CCDC85A: variants seen among roughly 807,000 people sequenced by gnomAD.
CCDC85A encodes the protein coiled-coil domain containing 85A, also known as coiled-coil domain-containing protein 85A.
Under a neutral mutation model 50.2 loss-of-function variants are expected in CCDC85A, and 38 were observed. The observed-to-expected ratio is 0.76, with a 90% CI of 0.58 to 0.99. CCDC85A has a LOEUF of 0.99. CCDC85A is among the 50% of genes least tolerant of loss of function. CCDC85A has a pLI of 0.00. For missense variants in CCDC85A, 820 were observed against 742.0 expected (o/e 1.11, Z -1.22); for synonymous variants, 366 against 301.4 (o/e 1.21, Z -2.22).
At chr2:56,230,853 A>G (rs1345746773) in intron 2 of CCDC85A, among the ~76,000 whole-genome samples, 2 of 152,170 alleles carry the variant, frequency 1.3e-5, no homozygotes, top group Admixed American at 6.5e-5. Flanking sequence ...AGGGTCTAGT[A>G]GGTGAATGCT....
intron 2 of CCDC85A, among the ~76,000 whole-genome samples, chr2:56,209,261 A>G (rs532581890): frequency 6.6e-6 from 1 of 152,176 alleles, no homozygotes; most frequent in Non-Finnish European, 1.5e-5. Flanking sequence ...GAAAGTAAAC[A>G]CTCTTCCCGA....
At chr2:56,217,370 G>A (rs1368377187) in intron 2 of CCDC85A, among the ~76,000 whole-genome samples, 1 of 151,842 alleles carries the variant, frequency 6.6e-6, no homozygotes, top group Non-Finnish European at 1.5e-5. Context: ...ACCTTGCATT[G>A]TTTAGGTGTG....
intron 2 of CCDC85A, among the ~76,000 whole-genome samples, chr2:56,313,698 G>C (rs868058748): frequency 6.6e-6 from 1 of 152,134 alleles, no homozygotes; most frequent in Non-Finnish European, 1.5e-5. Flanking sequence ...AGCCCCATCT[G>C]GTTGCCATGG....
chr2:56,197,661 C>T (rs1020374821), intron 2 of CCDC85A, among the ~76,000 whole-genome samples: 12 of 152,180 alleles, frequency 7.9e-5, no homozygotes, highest in Admixed American at 5.2e-4. Flanking sequence ...TTCAAACACT[C>T]AGGCTTCCTG....
At chr2:56,260,615 C>T (rs1184103323) in intron 2 of CCDC85A, among the ~76,000 whole-genome samples, 1 of 152,198 alleles carries the variant, frequency 6.6e-6, no homozygotes, top group East Asian at 1.9e-4. Context: ...TTAGTAGTCA[C>T]ATTACATTCA....
At chr2:56,337,327 A>T (rs1473197554) in intron 2 of CCDC85A, among the ~76,000 whole-genome samples, 4 of 152,198 alleles carry the variant, frequency 2.6e-5, no homozygotes, top group Non-Finnish European at 4.4e-5. Flanking sequence ...GCTTCACCTT[A>T]CTTTTCTAAT....
chr2:56,317,627 A>G (rs1455220971), intron 2 of CCDC85A, among the ~76,000 whole-genome samples: 1 of 152,136 alleles, frequency 6.6e-6, no homozygotes, highest in Admixed American at 6.6e-5. Context: ...GAAGGACTGA[A>G]AAAGGGTGCT....
At chr2:56,380,026 T>C (rs1015592759) in intron 5 of CCDC85A, among the ~76,000 whole-genome samples, 2 of 152,196 alleles carry the variant, frequency 1.3e-5, no homozygotes, top group African/African-American at 4.8e-5. Flanking sequence ...ATTAATACAA[T>C]CATGTTACAG....
At chr2:56,356,843 G>A (rs1675255633) in intron 3 of CCDC85A, among the ~76,000 whole-genome samples, 1 of 151,608 alleles carries the variant, frequency 6.6e-6, no homozygotes, top group African/African-American at 2.4e-5. Context: ...GCCGAGGCTT[G>A]TGGATCACGA....
intron 2 of CCDC85A, among the ~76,000 whole-genome samples, chr2:56,329,537 A>C (rs1437920884): frequency 1.3e-5 from 2 of 152,230 alleles, no homozygotes; most frequent in Admixed American, 6.5e-5. Context: ...AGATTATCTA[A>C]ACTAACTGGA....
chr2:56,324,861 A>G (rs1186855615), intron 2 of CCDC85A, among the ~76,000 whole-genome samples: 1 of 152,124 alleles, frequency 6.6e-6, no homozygotes, highest in Non-Finnish European at 1.5e-5. Context: ...GGGCTTACAA[A>G]CATGAATAAA....
chr2:56,301,763 A>G (rs758845093), intron 2 of CCDC85A, among the ~76,000 whole-genome samples: 23 of 152,184 alleles, frequency 1.5e-4, no homozygotes, highest in Non-Finnish European at 2.9e-4. Flanking sequence ...AACAATGAGA[A>G]CACATGGACA....
At chr2:56,338,940 A>G (rs534815185) in intron 2 of CCDC85A, among the ~76,000 whole-genome samples, 163 of 152,268 alleles carry the variant, frequency 1.1e-3, no homozygotes, top group Non-Finnish European at 1.9e-3. Flanking sequence ...ATACATGTAG[A>G]TCAGATATTC....
At chr2:56,277,490 G>A (rs1266597333) in intron 2 of CCDC85A, among the ~76,000 whole-genome samples, 1 of 151,760 alleles carries the variant, frequency 6.6e-6, no homozygotes, top group Non-Finnish European at 1.5e-5. Context: ...CTTTCCATTT[G>A]ACACTGGAGA....
At chr2:56,333,201 G>A (rs573147066) in intron 2 of CCDC85A, among the ~76,000 whole-genome samples, 1 of 152,280 alleles carries the variant, frequency 6.6e-6, no homozygotes, top group South Asian at 2.1e-4. Context: ...CAGGAGTGTG[G>A]GTTGGAGGTG....
intron 2 of CCDC85A, among the ~76,000 whole-genome samples, chr2:56,229,882 C>A (rs1480213183): frequency 6.6e-6 from 1 of 152,186 alleles, no homozygotes; most frequent in Non-Finnish European, 1.5e-5. Flanking sequence ...ATTAATATGA[C>A]TTTCACCTTG....
At chr2:56,354,600 T>G (rs1321743496) in intron 3 of CCDC85A, among the ~76,000 whole-genome samples, 1 of 152,192 alleles carries the variant, frequency 6.6e-6, no homozygotes, top group East Asian at 1.9e-4. Context: ...TGAGTGTAGC[T>G]TTTACTGTTT....
At chr2:56,191,058 G>C (rs1676276669) in intron 1 of CCDC85A, among the ~76,000 whole-genome samples, 1 of 152,098 alleles carries the variant, frequency 6.6e-6, no homozygotes, top group Non-Finnish European at 1.5e-5. Flanking sequence ...CTGTACTTGA[G>C]CTCTTGCTCT....
chr2:56,193,921 G>A (rs1391464163), intron 2 of CCDC85A, among the ~76,000 whole-genome samples: 1 of 152,148 alleles, frequency 6.6e-6, no homozygotes, highest in Non-Finnish European at 1.5e-5. Flanking sequence ...CATTAAAAAA[G>A]AAGTATGATG....
Sources: allele counts gnomAD v4.1 joint callset (sites outside exome capture counted in the v4.1 genomes callset), GRCh38; gene constraint gnomAD v4.1.1; transcripts MANE v1.5; gene names NCBI Gene and HGNC (gene_info 2026-07-23, HGNC 2026-07-21).